AP5Z1: variants seen among roughly 807,000 people sequenced by gnomAD.
AP5Z1 encodes the protein adaptor related protein complex 5 subunit zeta 1.
AP5Z1 carries 106 observed loss-of-function variants against 83.0 expected under a neutral mutation model. The ratio of observed to expected loss-of-function variants is 1.28; its 90% CI spans 1.09 to 1.50. The LOEUF is 1.50. Among genes scored for constraint, AP5Z1 ranks in the 40% most tolerant of loss-of-function variants. The probability of loss-of-function intolerance (pLI) is 0.00; values close to 1 mark genes in which losing one functional copy is unlikely to be tolerated. For missense variants in AP5Z1, 1,565 were observed against 1,094.2 expected (o/e 1.43, Z -6.07); for synonymous variants, 751 against 514.1 (o/e 1.46, Z -6.23).
Position 4,775,695 on chromosome 7 carries a change from G to T in AP5Z1, c.-21G>T. ...CTCCTGGAGTTTCCGAGGTTCGTGC[G>T]CGTCTGGTGGCGGCGGCGTGATGTT... On this transcript the variant is annotated 5_prime_UTR_variant, in exon 1 of 17. Coordinates refer to ENST00000649063, the MANE Select transcript of AP5Z1 (RefSeq NM_014855.3). 6.2e-7 allele frequency: 1 copy of T among 1,606,756 alleles called. No individual in the cohort carries two copies. Among genetic ancestry groups the T allele is most frequent in the Non-Finnish European group, 8.5e-7 (1 of 1,179,702 alleles).
chr7:4,777,353 C>CTTTATTTA (rs10676677), intron 1 of AP5Z1, among the ~76,000 whole-genome samples: 7,928 of 148,890 alleles, frequency 0.053, 681 homozygotes, highest in African/African-American at 0.18. Flanking sequence ...GAAGAGCCCT[C>CTTTATTTA]TTTATTTATT....
At chr7:4,781,781 G>A in intron 3 of AP5Z1, 27 bp downstream of exon 3, 3 of 1,510,506 alleles carry the variant, frequency 2.0e-6, no homozygotes, top group Non-Finnish European at 2.7e-6. Flanking sequence ...CACCCCAGTT[G>A]GCACCGGATG....
intron 10 of AP5Z1, 42 bp downstream of exon 10, chr7:4,786,470 A>G (rs1209726572): frequency 1.3e-6 from 2 of 1,585,824 alleles, no homozygotes; most frequent in Non-Finnish European, 1.7e-6. Flanking sequence ...GGGGCATGGT[A>G]AGTCCCTGGG....
intron 1 of AP5Z1, 139 bp downstream of exon 1, chr7:4,775,895 G>C: frequency 1.5e-6 from 2 of 1,298,054 alleles, no homozygotes; most frequent in Non-Finnish European, 2.1e-6. Flanking sequence ...TTGGGGATCG[G>C]GTAAGGCAAC....
At chr7:4,779,936 C>G (rs533596913) in intron 1 of AP5Z1, among the ~76,000 whole-genome samples, 6 of 152,100 alleles carry the variant, frequency 3.9e-5, no homozygotes, top group Non-Finnish European at 8.8e-5. Context: ...AGCCACCGTG[C>G]GTGGCCGAAT....
At chr7:4,788,054 G>C in intron 11 of AP5Z1, 100 bp from the exon 12 acceptor site, 1 of 1,431,952 alleles carries the variant, frequency 7.0e-7, no homozygotes, top group Non-Finnish European at 9.2e-7. Flanking sequence ...CACCCGAGGT[G>C]CTGTGATATT....
intron 12 of AP5Z1, chr7:4,788,582 AGGAAGCAGGAGGCCTGGGACC>A: frequency 2.0e-6 from 1 of 496,696 alleles, no homozygotes; most frequent in Non-Finnish European, 3.5e-6. Flanking sequence ...GCCTGAGCCC[AGGAAGCAGGAGGCCTGGGACC>A]GGCCACAGGC....
rs1583237380 is a variant in AP5Z1 at position 4,788,258 on chromosome 7, A to T, written c.1559A>T (p.Tyr520Phe). Residue 520 changes from tyrosine (Y) to phenylalanine (F), a missense_variant, in exon 12 of 17, where the codon TAC (tyrosine) becomes TTC (phenylalanine). Coordinates refer to ENST00000649063, the MANE Select transcript of AP5Z1 (RefSeq NM_014855.3). The part of the protein sequence containing the change: ...RDPQFQGLFQ[Y>F]LLRPKASGAT... ...CCGCAGTTCCAGGGTCTTTTCCAAT[A>T]CCTGCTGCGCCCCAAGGCCAGTGGC... 6.3e-7 allele frequency: 1 copy of T among 1,588,432 alleles called. No homozygotes were observed. The highest frequency in any genetic ancestry group is 2.3e-5 in the East Asian group (1 of 43,658).
intron 1 of AP5Z1, among the ~76,000 whole-genome samples, chr7:4,780,925 T>G (rs925370397): frequency 1.3e-5 from 2 of 152,162 alleles, no homozygotes; most frequent in Admixed American, 6.5e-5. Context: ...AAAATCTAAG[T>G]GCATGGGGCC....
chr7:4,790,528 C>T lies in AP5Z1; in HGVS notation c.1875C>T (p.Asp625=). Residue 625 remains aspartate (D), a synonymous_variant, in exon 15 of 17, where the codon GAC becomes GAT. Coordinates refer to ENST00000649063, the MANE Select transcript of AP5Z1 (RefSeq NM_014855.3). ...KPSLVVELAR[D]LLEFLGSVNG... is the part of the protein sequence containing the mutation. Reference sequence around the variant, plus strand: ...CCCTGGTGGTGGAGCTGGCAAGAGACCTGCTGGAGTTCCTGGGCAGCGTGA... The same window carrying T: ...CCCTGGTGGTGGAGCTGGCAAGAGATCTGCTGGAGTTCCTGGGCAGCGTGA... The T allele has an allele frequency of 1.9e-6, 3 of 1,613,166 alleles. 1 individual carries two copies. The highest frequency in any genetic ancestry group is 2.5e-6 in the Non-Finnish European group (3 of 1,179,864).
At chr7:4,780,950 T>G (rs17135115) in intron 1 of AP5Z1, among the ~76,000 whole-genome samples, 1 of 152,088 alleles carries the variant, frequency 6.6e-6, no homozygotes, top group African/African-American at 2.4e-5. Flanking sequence ...TGAGTGAGAT[T>G]CGTCATAGTG....
At position 4,788,924 on chromosome 7, in the gene AP5Z1, G is replaced by A. The variant is rs368045268; in HGVS notation, c.1680G>A (p.Leu560=). ...GTGCCCAGGCCGTGCCCACGCTGCTGCAGGCATTCTTCTCAGCAGTGACCC... is the reference window on the plus strand; with the variant it reads ...GTGCCCAGGCCGTGCCCACGCTGCTACAGGCATTCTTCTCAGCAGTGACCC... ...AQCAQAVPTL[L]QAFFSAVTQV... Residue 560 remains leucine (L), a synonymous_variant, in exon 13 of 17, where the codon CTG becomes CTA. Transcript: ENST00000649063. The A allele has an allele frequency of 1.2e-5, 19 of 1,611,220 alleles. No individual in the cohort carries two copies. The highest frequency in any genetic ancestry group is 2.7e-5 in the African/African-American group (2 of 74,872).
chr7:4,781,900 G>C (rs187529397), intron 3 of AP5Z1, 146 bp downstream of exon 3: 1 of 1,022,848 alleles, frequency 9.8e-7, no homozygotes, highest in Admixed American at 3.2e-5. Flanking sequence ...ACTTGAGGCT[G>C]GGGCATGCCC....
chr7:4,785,748 A>G lies in AP5Z1; in HGVS notation c.1132+64A>G, dbSNP rs903504480. 4.0e-6 allele frequency: 5 copies of G among 1,253,628 alleles called. No individual in the cohort carries two copies. In the African/African-American group the frequency reaches 6.5e-5, roughly 16 times the overall value. The allele number at this position is 1,253,628 out of a possible 1,614,324, so 77.7% of individuals were successfully genotyped here. A position where few individuals can be genotyped will look rare whatever the true frequency, so the allele number is the denominator to read the frequency against. ...CTTCTGCCTTTAGTTTTAGGATGGA[A>G]TTTCTTCTTCCCTTTTTTTTTTTTT... On this transcript the variant is annotated intron_variant, in intron 9 of 16. Coordinates refer to ENST00000649063, the MANE Select transcript of AP5Z1 (RefSeq NM_014855.3).
intron 12 of AP5Z1, 196 bp downstream of exon 12, chr7:4,788,490 G>T: frequency 1.2e-5 from 8 of 666,502 alleles, no homozygotes; most frequent in Non-Finnish European, 1.9e-5. Flanking sequence ...CCTGGTCTCA[G>T]CTCTCTCTGC....
At chr7:4,780,832 C>A (rs1781361731) in intron 1 of AP5Z1, among the ~76,000 whole-genome samples, 1 of 152,166 alleles carries the variant, frequency 6.6e-6, no homozygotes, top group Non-Finnish European at 1.5e-5. Flanking sequence ...TTTTGAAAGG[C>A]ACCTTATTCT....
chr7:4,789,990 T>TCCCCCCC, intron 14 of AP5Z1, 61 bp downstream of exon 14: 1 of 733,588 alleles, frequency 1.4e-6, no homozygotes. Flanking sequence ...CTCCTCCCCC[T>TCCCCCCC]CTCCCCTCCC....
chr7:4,784,165 C>A, intron 5 of AP5Z1, 38 bp from the exon 6 acceptor site: 1 of 1,543,706 alleles, frequency 6.5e-7, no homozygotes, highest in Non-Finnish European at 8.7e-7. Flanking sequence ...TTCCCGGCCT[C>A]GGCCCCCTCC....
intron 1 of AP5Z1, 39 bp from the exon 2 acceptor site, chr7:4,781,136 C>G: frequency 6.3e-7 from 1 of 1,597,104 alleles, no homozygotes; most frequent in South Asian, 1.1e-5. Flanking sequence ...TTCCGAGCAG[C>G]GAGTGCTTCT....
Sources: gnomAD v4.1 joint callset for allele counts (sites outside exome capture counted in the v4.1 genomes callset) on GRCh38, gnomAD v4.1.1 for gene constraint, MANE v1.5 for transcripts, NCBI Gene and HGNC (gene_info 2026-07-23, HGNC 2026-07-21) for gene names.